The following EYS variants were observed in gnomAD, a reference collection of about 807,000 sequenced individuals.
The protein encoded by EYS is protein eyes shut homolog.
A neutral mutation model predicts 282.1 loss-of-function variants in EYS; 250 were observed. That is an observed-to-expected ratio of 0.89 (90% CI 0.80 to 0.98). The LOEUF (loss-of-function observed/expected upper bound fraction) is 0.98. Ranked by LOEUF, EYS falls within the 50% of genes least tolerant of loss-of-function variation. The pLI is 0.00. For missense variants in EYS, 4,016 were observed against 3,709.0 expected, an observed-to-expected ratio of 1.08 and a Z score of -2.15; for synonymous variants, 1,355 against 1,282.9, an observed-to-expected ratio of 1.06 and a Z score of -1.20.
At chr6:64,069,439 T>A (rs1771492172) in intron 32 of EYS, among the ~76,000 whole-genome samples, 2 of 152,050 alleles carry the variant, frequency 1.3e-5, no homozygotes, top group African/African-American at 2.4e-5. Context: ...TATGTATGTA[T>A]ATACATATCA....
At chr6:65,544,025 TGTGTGA>T (rs111792972) in intron 2 of EYS, among the ~76,000 whole-genome samples, 17,694 of 142,348 alleles carry the variant, frequency 0.12, 1,056 homozygotes, top group South Asian at 0.19. Flanking sequence ...TGTGTGTGTG[TGTGTGA>T]GAGAGAGAGA....
chr6:64,847,767 C>T (rs1025142372), intron 19 of EYS, among the ~76,000 whole-genome samples: 3 of 151,980 alleles, frequency 2.0e-5, no homozygotes, highest in Admixed American at 2.0e-4. Flanking sequence ...AGTTATTTTC[C>T]CTTTTCCCAG....
chr6:64,419,811 G>A (rs1774171231), intron 28 of EYS, among the ~76,000 whole-genome samples: 1 of 152,222 alleles, frequency 6.6e-6, no homozygotes, highest in Non-Finnish European at 1.5e-5. Context: ...TGCTTTCAGG[G>A]GCTGGTGTTG....
Position 64,436,191 on chromosome 6 carries a change from C to T in EYS, c.5910G>A (p.Lys1970=), listed in dbSNP as rs529976938. The T allele has an allele frequency of 9.7e-6, 15 of 1,538,772 alleles. No homozygotes were observed. In the Admixed American group the frequency reaches 2.2e-4, roughly 22 times the overall value. Residue 1970 remains lysine (K), a synonymous_variant, in exon 28 of 43, where the codon AAG becomes AAA. Transcript: ENST00000503581. ...TATCTTACCTGATAAGCAGTGTATA[C>T]TTTTGCCCGTTGTCCACTCTAACAG... ...NTTVRVDNGQ[K]YTLLIRQELD...
At chr6:64,945,323 T>C (rs546322893) in intron 15 of EYS, among the ~76,000 whole-genome samples, 2 of 152,110 alleles carry the variant, frequency 1.3e-5, no homozygotes, top group South Asian at 2.1e-4. Flanking sequence ...AACTAATTAA[T>C]ACAATTGAAT....
At chr6:65,139,928 TG>T (rs763183536) in intron 12 of EYS, among the ~76,000 whole-genome samples, 6 of 152,160 alleles carry the variant, frequency 3.9e-5, no homozygotes, top group South Asian at 2.1e-4. Context: ...TGTCAGAGGA[TG>T]CCAGCTAAAA....
At chr6:64,070,698 C>T (rs1771541209) in intron 32 of EYS, among the ~76,000 whole-genome samples, 1 of 151,924 alleles carries the variant, frequency 6.6e-6, no homozygotes, top group African/African-American at 2.4e-5. Context: ...TCCAATGTTA[C>T]AGAATATTAA....
In EYS at chr6:65,569,778, C is replaced by G. The variant is rs1209447416; in HGVS notation, c.-333+70000G>C. ...AATCAGCAATGCTCACTCCCTGGCCCCCTACCTGCCAAATTATCCTCAAAA... is the reference window on the plus strand; with the variant it reads ...AATCAGCAATGCTCACTCCCTGGCCGCCTACCTGCCAAATTATCCTCAAAA... On this transcript the variant is annotated intron_variant, in intron 2 of 42. Transcript: ENST00000503581. 3.3e-5 allele frequency among the ~76,000 whole-genome samples: 5 copies of G among 152,094 alleles called. No individual in the cohort carries two copies. In the East Asian group the frequency reaches 9.7e-4, roughly 29 times the overall value.
At chr6:64,803,629 C>T (rs1764330759) in intron 22 of EYS, among the ~76,000 whole-genome samples, 1 of 152,176 alleles carries the variant, frequency 6.6e-6, no homozygotes, top group Admixed American at 6.5e-5. Context: ...TCAGGCTGTT[C>T]TTGTGGAGGG....
In EYS at chr6:63,764,681, A is replaced by G. The variant is rs1425247301; in HGVS notation, c.7899-2048T>C. On this transcript the variant is annotated intron_variant, in intron 40 of 42. Coordinates refer to ENST00000503581, the MANE Select transcript of EYS (RefSeq NM_001142800.2). ...ATATAGCATAGTGTTATGGGAATAA[A>G]ACACTTGCTTGGATATTAAAGTAGA... Among the ~76,000 whole-genome samples the G allele has an allele frequency of 3.3e-5, 5 of 152,018 alleles. No individual in the cohort carries two copies. The East Asian group carries it at 9.7e-4, about 29-fold the overall frequency.
chr6:64,473,269 T>C (rs966375992), intron 26 of EYS, among the ~76,000 whole-genome samples: 5 of 152,174 alleles, frequency 3.3e-5, no homozygotes, highest in African/African-American at 7.2e-5. Flanking sequence ...CGGTGTTCTT[T>C]ATTAGGTTAA....
intron 26 of EYS, among the ~76,000 whole-genome samples, chr6:64,563,574 C>T (rs537599108): frequency 1.3e-5 from 2 of 152,206 alleles, no homozygotes; most frequent in South Asian, 4.1e-4. Flanking sequence ...TCTAAAAATA[C>T]TTGTCAAATT....
chr6:64,440,697 T>C lies in EYS; in HGVS notation c.5645-1345A>G, dbSNP rs190298375. Among the ~76,000 whole-genome samples the C allele has an allele frequency of 1.9e-3, 294 of 152,266 alleles. 1 individual carries two copies. The highest frequency in any genetic ancestry group is 6.3e-3 in the African/African-American group (260 of 41,560). On this transcript the variant is annotated intron_variant, in intron 26 of 42. Coordinates refer to ENST00000503581, the MANE Select transcript of EYS (RefSeq NM_001142800.2). ...AATTGTTTTAAAGATTTCAGGCATT[T>C]ATTTTAACAAATTGAGAATAAAGTC... is the stretch of plus-strand genomic sequence containing the variant.
At chr6:65,411,016 T>C (rs549405915) in intron 5 of EYS, among the ~76,000 whole-genome samples, 1 of 152,122 alleles carries the variant, frequency 6.6e-6, no homozygotes, top group African/African-American at 2.4e-5. Flanking sequence ...ATGTCACACA[T>C]CTGGTTAATT....
At chr6:64,858,367 G>A (rs1271421565) in intron 19 of EYS, among the ~76,000 whole-genome samples, 6 of 152,020 alleles carry the variant, frequency 3.9e-5, no homozygotes, top group Non-Finnish European at 8.8e-5. Context: ...TTTCTCTATT[G>A]TGTAGTCTTG....
chr6:64,922,374 G>C (rs1768374001), intron 15 of EYS, among the ~76,000 whole-genome samples: 1 of 152,144 alleles, frequency 6.6e-6, no homozygotes. Flanking sequence ...AAAGGAATTA[G>C]TGCAAAATAG....
chr6:63,804,603 A>G (rs775408610), intron 37 of EYS, among the ~76,000 whole-genome samples: 2 of 152,222 alleles, frequency 1.3e-5, no homozygotes, highest in Non-Finnish European at 2.9e-5. Flanking sequence ...TGGTTAAGGC[A>G]CTGGAAGAAG....
At chr6:65,632,054 G>A (rs991895586) in intron 2 of EYS, among the ~76,000 whole-genome samples, 1 of 152,052 alleles carries the variant, frequency 6.6e-6, no homozygotes, top group Admixed American at 6.6e-5. Context: ...AATTGTTAAC[G>A]TAATAGAAGT....
chr6:65,260,593 T>C (rs1767595049), intron 12 of EYS, among the ~76,000 whole-genome samples: 1 of 152,120 alleles, frequency 6.6e-6, no homozygotes, highest in Non-Finnish European at 1.5e-5. Flanking sequence ...GTAGTGTTTA[T>C]TTTTTAATCC....
Sources: allele counts gnomAD v4.1 joint callset (sites outside exome capture counted in the v4.1 genomes callset), GRCh38; gene constraint gnomAD v4.1.1; transcripts MANE v1.5; gene names NCBI Gene and HGNC (gene_info 2026-07-23, HGNC 2026-07-21).